The following CYTH3 variants were observed in gnomAD, a reference collection of about 807,000 sequenced individuals.
CYTH3 encodes cytohesin-3.
CYTH3 carries 23 observed loss-of-function variants against 55.1 expected under a neutral mutation model. The observed-to-expected ratio is 0.42, with a 90% CI of 0.30 to 0.59. The LOEUF is 0.59. Ranked by LOEUF, CYTH3 falls within the 20% of genes least tolerant of loss-of-function variation. The pLI is 0.20. For missense variants in CYTH3, 413 were observed against 524.8 expected, an observed-to-expected ratio of 0.79 and a Z score of 2.08; for synonymous variants, 249 against 194.9, an observed-to-expected ratio of 1.28 and a Z score of -2.31.
chr7:6,244,228 A>G (rs932716716), intron 1 of CYTH3, among the ~76,000 whole-genome samples: 1 of 152,174 alleles, frequency 6.6e-6, no homozygotes, highest in Non-Finnish European at 1.5e-5. Flanking sequence ...CCTGGGGGGA[A>G]AAAAACAGGT....
intron 1 of CYTH3, among the ~76,000 whole-genome samples, chr7:6,257,042 A>G (rs1392418024): frequency 6.6e-6 from 1 of 152,268 alleles, no homozygotes; most frequent in Non-Finnish European, 1.5e-5. Flanking sequence ...AACATAGTCC[A>G]TAACAGACAC....
chr7:6,191,656 C>G (rs1181132751), intron 1 of CYTH3, among the ~76,000 whole-genome samples: 1 of 143,432 alleles, frequency 7.0e-6, no homozygotes. Flanking sequence ...AGTGCAGTGG[C>G]ACAATCTTGT....
chr7:6,179,652 C>A (rs1420572355), intron 4 of CYTH3, among the ~76,000 whole-genome samples: 1 of 115,682 alleles, frequency 8.6e-6, no homozygotes, highest in Non-Finnish European at 1.8e-5. Context: ...ACACCCCACA[C>A]CCCACACACA....
chr7:6,187,275 G>A (rs572324404), intron 3 of CYTH3, among the ~76,000 whole-genome samples, 159 bp from the exon 4 acceptor site: 41 of 152,364 alleles, frequency 2.7e-4, no homozygotes, highest in African/African-American at 9.9e-4. Context: ...CGGCAGGGGT[G>A]GTGCAGCCAC....
rs1381663136 is a variant in CYTH3, at chr7:6,173,729, C to A, written c.373G>T (p.Glu125Ter). The change falls in exon 6 of 13, where the codon GAA (glutamate) becomes TAA (stop). Residue 125 changes from glutamate to a stop codon, truncating the protein, a stop_gained. Transcript: ENST00000350796. LOFTEE classifies it high-confidence loss of function. ...VIGDYLGERD[E>*]FNIKVLQAFV... Reference sequence around the variant, plus strand: ...GCTTGAAGAACTTTAATATTAAATTCATCCCTGGGAAAAAAAGAAGTAAGT... The same window carrying A: ...GCTTGAAGAACTTTAATATTAAATTAATCCCTGGGAAAAAAAGAAGTAAGT... 2 of 1,592,962 alleles carry A rather than the reference C, an allele frequency of 1.3e-6. No individual in the cohort carries two copies. Among genetic ancestry groups the A allele is most frequent in the South Asian group, 1.1e-5 (1 of 90,642 alleles).
At position 6,164,846 on chromosome 7, in the gene CYTH3, G is replaced by T; in HGVS notation, c.*98C>A. The stretch of plus-strand genomic sequence containing the variant: ...CTCTGGAGCAGCAGCTTGCACCGCA[G>T]GGCGACTGCCTCCCTGCCACGCCTT... On this transcript the variant is annotated 3_prime_UTR_variant, in exon 13 of 13. Transcript: ENST00000350796. The T allele has an allele frequency of 7.4e-7, 1 of 1,349,710 alleles. No homozygotes were observed. The highest frequency in any genetic ancestry group is 1.1e-6 in the Non-Finnish European group (1 of 946,224). The allele number at this position is 1,349,710 out of a possible 1,614,324, so 83.6% of individuals were successfully genotyped here.
At chr7:6,204,811 G>A (rs1784147070) in intron 1 of CYTH3, among the ~76,000 whole-genome samples, 1 of 152,108 alleles carries the variant, frequency 6.6e-6, no homozygotes, top group Admixed American at 6.5e-5. Flanking sequence ...ACAAACTACT[G>A]TTGTCATAAA....
At chr7:6,223,665 A>C (rs1363016067) in intron 1 of CYTH3, among the ~76,000 whole-genome samples, 1 of 151,866 alleles carries the variant, frequency 6.6e-6, no homozygotes, top group Non-Finnish European at 1.5e-5. Flanking sequence ...ACCACTCCCT[A>C]ATCTCAAGTA....
rs1783189474 is a variant in CYTH3 at position 6,171,400 on chromosome 7, G to A, written c.450-86C>T. 7.8e-7 allele frequency: 1 copy of A among 1,288,932 alleles called. No individual in the cohort carries two copies. The highest frequency in any genetic ancestry group is 1.1e-6 in the Non-Finnish European group (1 of 901,342). The allele number at this position is 1,288,932 out of a possible 1,614,324, so 79.8% of individuals were successfully genotyped here. A position where few individuals can be genotyped will look rare whatever the true frequency, so the allele number is the denominator to read the frequency against. On this transcript the variant is annotated intron_variant, in intron 6 of 12. Transcript: ENST00000350796. The surrounding 1 kb of genome is among the most constrained non-coding windows in gnomAD (Gnocchi z 6.7). ...GGCGGCTTCTGCCCAGCTCAGGAAG[G>A]ACGTTTTCCTCCCGAGCCTGGGGTA...
intron 1 of CYTH3, among the ~76,000 whole-genome samples, chr7:6,270,861 C>A (rs940496869): frequency 6.6e-6 from 1 of 152,170 alleles, no homozygotes; most frequent in African/African-American, 2.4e-5. Flanking sequence ...CACATTAAAG[C>A]CTCCTCTTTT....
chr7:6,165,860 G>A lies in CYTH3; in HGVS notation c.824-50C>T, dbSNP rs187401015. On this transcript the variant is annotated intron_variant, in intron 9 of 12. Transcript: ENST00000350796. ...TCTGCGCTCCGTGCACAGGGAGCCC[G>A]CGGGTCCAAGAGGGGGCCCTGGACC... 81 of 1,584,130 alleles carry A rather than the reference G, an allele frequency of 5.1e-5. 1 individual carries two copies. In the East Asian group the frequency reaches 1.1e-3, roughly 21 times the overall value.
At chr7:6,240,654 T>C (rs1583188963) in intron 1 of CYTH3, among the ~76,000 whole-genome samples, 1 of 152,154 alleles carries the variant, frequency 6.6e-6, no homozygotes, top group Admixed American at 6.5e-5. Context: ...TGAAGCTGTA[T>C]CTATACCTCA....
intron 1 of CYTH3, among the ~76,000 whole-genome samples, chr7:6,246,248 T>A (rs925899746): frequency 1.4e-4 from 21 of 149,550 alleles, no homozygotes; most frequent in African/African-American, 2.8e-4. Flanking sequence ...TTTTTTTTTT[T>A]AAAAGAGACA....
At chr7:6,221,401 G>C (rs1784548473) in intron 1 of CYTH3, among the ~76,000 whole-genome samples, 1 of 152,204 alleles carries the variant, frequency 6.6e-6, no homozygotes. Flanking sequence ...ATTAGTCATT[G>C]TTTGGGGTTT....
In CYTH3 at chr7:6,165,509, G is replaced by A. The variant is rs200810511; in HGVS notation, c.972+36C>T. 4.9e-5 allele frequency: 79 copies of A among 1,610,880 alleles called. No individual in the cohort carries two copies. In the African/African-American group the frequency reaches 9.1e-4, roughly 18 times the overall value. On this transcript the variant is annotated intron_variant, in intron 11 of 12. Transcript: ENST00000350796. ...AGGCAGTGAGGATGGCTCCCAGGTGGCTGGCAGGAGAGAAGGTTCAGGAGG... is the reference window on the plus strand; with the variant it reads ...AGGCAGTGAGGATGGCTCCCAGGTGACTGGCAGGAGAGAAGGTTCAGGAGG...
intron 1 of CYTH3, among the ~76,000 whole-genome samples, chr7:6,265,954 A>G (rs1431473916): frequency 1.3e-5 from 2 of 151,976 alleles, no homozygotes; most frequent in African/African-American, 4.8e-5. Context: ...GGACCTAAAA[A>G]ATGCAACAGA....
chr7:6,206,590 G>A (rs1026324109), intron 1 of CYTH3, among the ~76,000 whole-genome samples: 3 of 152,176 alleles, frequency 2.0e-5, no homozygotes, highest in Non-Finnish European at 4.4e-5. Context: ...TTCTAGGTAC[G>A]CTCAACATTT....
chr7:6,197,685 A>G (rs1783966306), intron 1 of CYTH3, among the ~76,000 whole-genome samples: 1 of 152,082 alleles, frequency 6.6e-6, no homozygotes, highest in African/African-American at 2.4e-5. Flanking sequence ...CTCTGCCTCA[A>G]AGAGGGAAAA....
chr7:6,198,298 T>G (rs1037633626), intron 1 of CYTH3, among the ~76,000 whole-genome samples: 1 of 152,234 alleles, frequency 6.6e-6, no homozygotes, highest in Non-Finnish European at 1.5e-5. Flanking sequence ...TCTAAGTACC[T>G]TGCTGTCCTA....
Sources: gnomAD v4.1 joint callset for allele counts (sites outside exome capture counted in the v4.1 genomes callset) on GRCh38, gnomAD v4.1.1 for gene constraint, Gnocchi (gnomAD v3.1) non-coding constraint, MANE v1.5 for transcripts, NCBI Gene and HGNC (gene_info 2026-07-23, HGNC 2026-07-21) for gene names.